The following POTEH variants were observed in gnomAD, a reference collection of about 807,000 sequenced individuals.
POTEH encodes the protein ANKRD26-like family C member 3.
Under a neutral mutation model 41.7 loss-of-function variants are expected in POTEH, and 6 were observed. That is an observed-to-expected ratio of 0.14 (90% CI 0.08 to 0.28). The LOEUF is 0.28. Among genes scored for constraint, POTEH ranks in the 10% least tolerant of loss-of-function variants. The pLI, the probability that POTEH is intolerant of heterozygous loss-of-function variation, is 1.00. For missense variants in POTEH, 115 were observed against 533.5 expected (o/e 0.22, Z 7.73); for synonymous variants, 38 against 179.9 (o/e 0.21, Z 6.31).
chr22:15,691,800 T>G (rs1989319113), intron 1 of POTEH, among the ~76,000 whole-genome samples: 1 of 149,074 alleles, frequency 6.7e-6, no homozygotes, highest in African/African-American at 2.4e-5. Context: ...ATGTAGGAAT[T>G]TAGCGCTTGA....
chr22:15,692,177 T>C (rs1326955351), intron 1 of POTEH, among the ~76,000 whole-genome samples: 1 of 133,590 alleles, frequency 7.5e-6, no homozygotes, highest in African/African-American at 2.6e-5. Context: ...GCTAATTGTT[T>C]TGTATTTTTA....
intron 9 of POTEH, among the ~76,000 whole-genome samples, chr22:15,713,973 A>G (rs1160991859): frequency 1.1e-4 from 17 of 152,150 alleles, no homozygotes; most frequent in African/African-American, 3.6e-4. Flanking sequence ...AGTATCACAC[A>G]CTTGTCAGAT....
At chr22:15,692,953 C>T (rs1334657919) in intron 1 of POTEH, among the ~76,000 whole-genome samples, 2 of 124,438 alleles carry the variant, frequency 1.6e-5, no homozygotes, top group Non-Finnish European at 3.6e-5. Flanking sequence ...AAATAGATGT[C>T]TGTTTTTCTT....
rs139793660 is a variant in POTEH, at chr22:15,690,965, G to A, written c.632+256G>A. 1.8e-4 allele frequency among the ~76,000 whole-genome samples: 23 copies of A among 130,208 alleles called. 1 individual carries two copies. The highest frequency in any genetic ancestry group is 4.8e-4 in the South Asian group (2 of 4,208). The allele number at this position is 130,208 out of a possible 152,430, so 85.4% of individuals were successfully genotyped here. A position where few individuals can be genotyped will look rare whatever the true frequency, so the allele number is the denominator to read the frequency against. ...AGACTGTTTTGAAGTGATTTAACTCGCAACGTTGTCGATGCAGCAGATTAT... is the reference window on the plus strand; with the variant it reads ...AGACTGTTTTGAAGTGATTTAACTCACAACGTTGTCGATGCAGCAGATTAT... On this transcript the variant is annotated intron_variant, in intron 1 of 10. Coordinates refer to ENST00000343518, the MANE Select transcript of POTEH (RefSeq NM_001136213.1).
intron 1 of POTEH, among the ~76,000 whole-genome samples, chr22:15,691,627 T>C (rs1413072040): frequency 6.8e-6 from 1 of 146,146 alleles, no homozygotes; most frequent in African/African-American, 2.5e-5. Flanking sequence ...CATGCTGTCT[T>C]TTATTATTGT....
chr22:15,692,841 G>C (rs1435653318), intron 1 of POTEH, among the ~76,000 whole-genome samples: 3 of 128,450 alleles, frequency 2.3e-5, no homozygotes, highest in African/African-American at 8.4e-5. Flanking sequence ...TAAAGTTTAA[G>C]TTGCTGCAGC....
chr22:15,718,494 CTT>C (rs1415954868), intron 9 of POTEH, among the ~76,000 whole-genome samples: 1 of 122,610 alleles, frequency 8.2e-6, no homozygotes, highest in Non-Finnish European at 1.7e-5. Context: ...GTATTTCACA[CTT>C]TTTTGCAGCC....
At chr22:15,713,412 A>G (rs553716469) in intron 9 of POTEH, among the ~76,000 whole-genome samples, 24 of 152,000 alleles carry the variant, frequency 1.6e-4, no homozygotes, top group Non-Finnish European at 2.8e-4. Context: ...TAGTCCATTC[A>G]TCACGGTCTG....
intron 9 of POTEH, among the ~76,000 whole-genome samples, chr22:15,718,469 TGAGCA>T (rs1989953915): frequency 8.9e-6 from 1 of 112,142 alleles, no homozygotes; most frequent in Non-Finnish European, 1.8e-5. Flanking sequence ...CCTTTTTCAT[TGAGCA>T]TATTCCTAGG....
chr22:15,711,717 C>T (rs1280975611), intron 9 of POTEH, among the ~76,000 whole-genome samples: 2 of 150,992 alleles, frequency 1.3e-5, no homozygotes, highest in Admixed American at 6.6e-5. Context: ...AGATATGTTA[C>T]ATACATACTT....
chr22:15,713,660 T>A (rs1989867171), intron 9 of POTEH, among the ~76,000 whole-genome samples: 1 of 152,290 alleles, frequency 6.6e-6, no homozygotes, highest in South Asian at 2.1e-4. Context: ...ACACCATACC[T>A]GGCTAATTTT....
rs545746416 is a variant in POTEH, at chr22:15,690,904, C to G, written c.632+195C>G. Among the ~76,000 whole-genome samples, 5 of 130,130 alleles carry G rather than the reference C, an allele frequency of 3.8e-5. No homozygotes were observed. The East Asian group carries it at 1.0e-3, about 26-fold the overall frequency. 85.4% of individuals were successfully genotyped at this position (130,130 alleles called of 152,430 possible). ...ACAAAAACAAAACTTTAGCTGATTT[C>G]CAATCAAATCATAATTTCCTTCCTA... On this transcript the variant is annotated intron_variant, in intron 1 of 10. Transcript: ENST00000343518.
chr22:15,708,170 C>G, intron 7 of POTEH, 80 bp downstream of exon 7: 1 of 448,758 alleles, frequency 2.2e-6, no homozygotes, highest in Non-Finnish European at 2.8e-6. Context: ...ATTAGATAGT[C>G]CAAATGAAAT....
In POTEH at chr22:15,693,082, A is replaced by G. The variant is rs1017039098; in HGVS notation, c.633-2289A>G. ...CTATTGAGGGTGTCAGTACATAGAG[A>G]TATGTCGACATGCAAAGATGTACCT... On this transcript the variant is annotated intron_variant, in intron 1 of 10. Coordinates refer to ENST00000343518, the MANE Select transcript of POTEH (RefSeq NM_001136213.1). 2.4e-5 allele frequency among the ~76,000 whole-genome samples: 3 copies of G among 127,110 alleles called. 1 individual carries two copies. The highest frequency in any genetic ancestry group is 3.6e-5 in the Non-Finnish European group (2 of 55,416). 83.4% of individuals were successfully genotyped at this position (127,110 alleles called of 152,430 possible).
At chr22:15,711,405 C>G (rs1350661862) in intron 9 of POTEH, among the ~76,000 whole-genome samples, 1 of 151,694 alleles carries the variant, frequency 6.6e-6, no homozygotes, top group Admixed American at 6.6e-5. Flanking sequence ...TCCTGCCACT[C>G]TCCACCCTCA....
At position 15,692,761 on chromosome 22, in the gene POTEH, A is replaced by C. The variant is rs1390661006; in HGVS notation, c.632+2052A>C. ...CAGAGTGAGACCCCATCTAAAAAAA[A>C]AAAAAAGCATGAAATACTGTTTTCT... is the stretch of plus-strand genomic sequence containing the variant. On this transcript the variant is annotated intron_variant, in intron 1 of 10. Transcript: ENST00000343518. 3.8e-5 allele frequency among the ~76,000 whole-genome samples: 5 copies of C among 131,330 alleles called. 1 individual carries two copies. The highest frequency in any genetic ancestry group is 8.2e-5 in the African/African-American group (3 of 36,408). The allele number at this position is 131,330 out of a possible 152,430, so 86.2% of individuals were successfully genotyped here. A position where few individuals can be genotyped will look rare whatever the true frequency, so the allele number is the denominator to read the frequency against.
intron 1 of POTEH, among the ~76,000 whole-genome samples, chr22:15,692,901 G>T (rs1467349901): frequency 7.9e-6 from 1 of 126,740 alleles, no homozygotes; most frequent in Non-Finnish European, 1.8e-5. Context: ...AAAATGTTAT[G>T]CTTTTTACTC....
chr22:15,705,353 C>CTTTGTTTTTTT (rs1248524149), intron 6 of POTEH, among the ~76,000 whole-genome samples: 1 of 14,298 alleles, frequency 7.0e-5, no homozygotes, highest in Non-Finnish European at 1.2e-4. Flanking sequence ...ATATGTTGGC[C>CTTTGTTTTTTT]TTTTTTTTTT....
chr22:15,692,009 A>ATAAAAAT (rs1421248855), intron 1 of POTEH, among the ~76,000 whole-genome samples: 2 of 128,590 alleles, frequency 1.6e-5, no homozygotes, highest in African/African-American at 2.7e-5. Flanking sequence ...TATATATATA[A>ATAAAAAT]ATTTCTTTTT....
Sources: gnomAD v4.1 joint callset for allele counts (sites outside exome capture counted in the v4.1 genomes callset) on GRCh38, gnomAD v4.1.1 for gene constraint, MANE v1.5 for transcripts, NCBI Gene and HGNC (gene_info 2026-07-23, HGNC 2026-07-21) for gene names.